ANO10: variants seen among roughly 807,000 people sequenced by gnomAD.
ANO10 encodes anoctamin 10, also known as anoctamin-10.
In ANO10, 77 loss-of-function variants were observed where a neutral mutation model predicts 74.7. The ratio of observed to expected loss-of-function variants is 1.03; its 90% confidence interval spans 0.86 to 1.25. ANO10 has a LOEUF of 1.25. Ranked by LOEUF, ANO10 falls within the 50% of genes most tolerant of loss-of-function variation. The pLI is 0.00. For synonymous variants in ANO10, 279 were observed against 284.9 expected (o/e 0.98, Z 0.21); for missense variants, 721 against 778.1 (o/e 0.93, Z 0.87).
intron 12 of ANO10, among the ~76,000 whole-genome samples, chr3:43,375,236 A>G (rs1336254662): frequency 6.6e-6 from 1 of 152,192 alleles, no homozygotes; most frequent in Non-Finnish European, 1.5e-5. Flanking sequence ...ACCTGAGGTC[A>G]GGAGTTTGAG....
chr3:43,504,388 A>G (rs535769648), intron 11 of ANO10, among the ~76,000 whole-genome samples: 6 of 152,266 alleles, frequency 3.9e-5, no homozygotes, highest in African/African-American at 1.4e-4. Context: ...CTACAGGTGA[A>G]AAAAAACCAG....
chr3:43,557,946 A>C (rs749718422), intron 9 of ANO10, among the ~76,000 whole-genome samples: 1 of 151,642 alleles, frequency 6.6e-6, no homozygotes, highest in Non-Finnish European at 1.5e-5. Context: ...CTCTACAAAA[A>C]ATACAAAAAT....
At position 43,549,801 on chromosome 3, in the gene ANO10, C is replaced by G. The variant is rs746207433; in HGVS notation, c.1716G>C (p.Ala572=). Residue 572 remains alanine, a synonymous_variant, in exon 11 of 13, where the codon GCG becomes GCC. Coordinates refer to ENST00000292246, the MANE Select transcript of ANO10 (RefSeq NM_018075.5). ...TCACTTGTGGTGACATTCCAATCAG[C>G]GCACAGTTAGTGACCACAGATATAA... ...MSVISVVTNC[A]LIGMSPQVNA... 6.2e-7 allele frequency: 1 copy of G among 1,613,872 alleles called. No individual in the cohort carries two copies. The highest frequency in any genetic ancestry group is 1.7e-5 in the Admixed American group (1 of 60,002).
In ANO10 at chr3:43,548,101, C is replaced by T. The variant is rs886585916; in HGVS notation, c.1797+1619G>A. ...ACCTTCACTTTAACATCCACTGTTA[C>T]GGTATTGGTAAAGTATCTTTTTATT... On this transcript the variant is annotated intron_variant, in intron 11 of 12. Transcript: ENST00000292246. Among the ~76,000 whole-genome samples, 12 of 152,306 alleles carry T rather than the reference C, an allele frequency of 7.9e-5. No homozygotes were observed. In the South Asian group the frequency reaches 1.5e-3, roughly 18 times the overall value.
intron 11 of ANO10, among the ~76,000 whole-genome samples, chr3:43,458,133 C>T (rs1011851925): frequency 2.6e-5 from 4 of 152,112 alleles, no homozygotes; most frequent in Non-Finnish European, 5.9e-5. Context: ...GGGGAGATGA[C>T]AATATATCCC....
At chr3:43,618,274 C>T (rs911438215) in intron 1 of ANO10, among the ~76,000 whole-genome samples, 1 of 152,158 alleles carries the variant, frequency 6.6e-6, no homozygotes, top group Non-Finnish European at 1.5e-5. Context: ...ACACAGGATA[C>T]TGAAGACAGT....
At chr3:43,504,300 G>GTAGGTAGATAGA (rs71083075) in intron 11 of ANO10, among the ~76,000 whole-genome samples, 19,608 of 139,318 alleles carry the variant, frequency 0.14, 1,858 homozygotes, top group East Asian at 0.21. Context: ...AGGTAGGTAG[G>GTAGGTAGATAGA]TAGATAGATA....
At chr3:43,663,861 A>G (rs2083955288) in intron 1 of ANO10, among the ~76,000 whole-genome samples, 1 of 152,170 alleles carries the variant, frequency 6.6e-6, no homozygotes, top group Non-Finnish European at 1.5e-5. Flanking sequence ...ACTACAAACC[A>G]CTGCTCAAGG....
upstream of ANO10, among the ~76,000 whole-genome samples, chr3:43,626,297 T>C (rs2083491399): frequency 7.2e-6 from 1 of 138,592 alleles, no homozygotes; most frequent in Non-Finnish European, 1.5e-5. Flanking sequence ...GTTCTTCACT[T>C]TTTTTTTTTT....
At position 43,432,537 on chromosome 3, in the gene ANO10, G is replaced by C. The variant is rs942833939; in HGVS notation, c.1914+74C>G. The C allele has an allele frequency of 5.5e-6, 7 of 1,280,146 alleles. No individual in the cohort carries two copies. The African/African-American group carries it at 7.3e-5, about 13-fold the overall frequency. The allele number at this position is 1,280,146 out of a possible 1,614,324, so 79.3% of individuals were successfully genotyped here. ...ACTTCAAGGCTGAAAAAAATGCTGA[G>C]ACTGATTCTTCTGAATTATTTTTCC... On this transcript the variant is annotated intron_variant, in intron 12 of 12. Coordinates refer to ENST00000292246, the MANE Select transcript of ANO10 (RefSeq NM_018075.5).
At chr3:43,478,509 C>A (rs2076156800) in intron 11 of ANO10, among the ~76,000 whole-genome samples, 1 of 152,176 alleles carries the variant, frequency 6.6e-6, no homozygotes. Context: ...ATGCTTTTTT[C>A]ATTTCACTGT....
chr3:43,614,785 A>ATC (rs2083008851), intron 1 of ANO10, among the ~76,000 whole-genome samples: 1 of 129,248 alleles, frequency 7.7e-6, no homozygotes, highest in Non-Finnish European at 1.7e-5. Flanking sequence ...ATATATATAT[A>ATC]TATATATATA....
chr3:43,614,578 T>C (rs1408661601), intron 1 of ANO10, among the ~76,000 whole-genome samples: 2 of 151,736 alleles, frequency 1.3e-5, no homozygotes, highest in South Asian at 2.1e-4. Context: ...AGCTAAAAAA[T>C]GGAAAGAACC....
At chr3:43,546,951 C>T (rs779170214) in intron 11 of ANO10, among the ~76,000 whole-genome samples, 1 of 152,072 alleles carries the variant, frequency 6.6e-6, no homozygotes, top group East Asian at 1.9e-4. Flanking sequence ...TGAGCATGCC[C>T]CAAATGGAAT....
intron 1 of ANO10, among the ~76,000 whole-genome samples, chr3:43,666,983 G>A (rs1324580129): frequency 5.5e-5 from 1 of 18,266 alleles, no homozygotes; most frequent in Non-Finnish European, 9.1e-5. Context: ...TATATTTAAA[G>A]TGAAATTTAT....
At chr3:43,683,959 C>T (rs1197905432) in intron 1 of ANO10, among the ~76,000 whole-genome samples, 9 of 152,130 alleles carry the variant, frequency 5.9e-5, no homozygotes, top group Admixed American at 5.9e-4. Context: ...AAATGTTAGA[C>T]CTAAAACCAT....
rs974738290 is a variant in ANO10 at position 43,533,564 on chromosome 3, A to G, written c.1797+16156T>C. On this transcript the variant is annotated intron_variant, in intron 11 of 12. Coordinates refer to ENST00000292246, the MANE Select transcript of ANO10 (RefSeq NM_018075.5). Reference sequence around the variant, plus strand: ...TTTTAAAAACTTTAATAAATGCACAAATAGACAGCTCCTTAGCTTTGACCC... The same window carrying G: ...TTTTAAAAACTTTAATAAATGCACAGATAGACAGCTCCTTAGCTTTGACCC... Among the ~76,000 whole-genome samples, 36 of 152,236 alleles carry G rather than the reference A, an allele frequency of 2.4e-4. 3 individuals are homozygous for G. The highest frequency in any genetic ancestry group is 1.5e-5 in the Non-Finnish European group (1 of 68,042).
chr3:43,539,876 G>T (rs575263882), intron 11 of ANO10, among the ~76,000 whole-genome samples: 1 of 152,244 alleles, frequency 6.6e-6, no homozygotes, highest in African/African-American at 2.4e-5. Flanking sequence ...TCTTGCAGAG[G>T]GGTGAGACTT....
In ANO10 at chr3:43,635,620, C is replaced by CT. The variant is rs1245285633; in HGVS notation, c.-11-29758dup. ...TTCGTATAATCTGGTAAGCTCTGAT[C>CT]TTTTTTTTTTTTTTTTCTGAGACGG... On this transcript the variant is annotated intron_variant, in intron 1 of 3. Transcript: ENST00000413397. 9.9e-3 allele frequency among the ~76,000 whole-genome samples: 1,381 copies of CT among 140,186 alleles called. 10 individuals carry two copies. The highest frequency in any genetic ancestry group is 0.023 in the African/African-American group (871 of 38,516). The allele number at this position is 140,186 out of a possible 152,430, so 92.0% of individuals were successfully genotyped here.
Sources: gnomAD v4.1 joint callset for allele counts (sites outside exome capture counted in the v4.1 genomes callset) on GRCh38, gnomAD v4.1.1 for gene constraint, MANE v1.5 for transcripts, NCBI Gene and HGNC (gene_info 2026-07-23, HGNC 2026-07-21) for gene names.